The following SRRM3 variants were observed in gnomAD, a reference collection of about 807,000 sequenced individuals.
SRRM3 encodes serine/arginine repetitive matrix 3.
Under a neutral mutation model 66.2 loss-of-function variants are expected in SRRM3, and 27 were observed. That is an observed-to-expected ratio of 0.41 (90% CI 0.30 to 0.56). The LOEUF (loss-of-function observed/expected upper bound fraction) is 0.56, where lower values mean the gene tolerates loss of function less well. SRRM3 is among the 20% of genes least tolerant of loss of function. SRRM3 has a pLI of 0.32. For synonymous variants in SRRM3, 391 were observed against 414.9 expected, an observed-to-expected ratio of 0.94 and a Z score of 0.70; for missense variants, 918 against 991.9, an observed-to-expected ratio of 0.93 and a Z score of 1.00.
At chr7:76,214,694 A>C (rs540397221) in intron 1 of SRRM3, among the ~76,000 whole-genome samples, 4 of 152,226 alleles carry the variant, frequency 2.6e-5, no homozygotes, top group African/African-American at 9.6e-5. Flanking sequence ...TGGGAAACAC[A>C]TCAACTCTTC....
Position 76,267,366 on chromosome 7 carries a change from G to T in SRRM3, c.939G>T (p.Arg313=). 1 of 1,474,688 alleles carries T rather than the reference G, an allele frequency of 6.8e-7. No individual in the cohort carries two copies. 91.4% of individuals were successfully genotyped at this position (1,474,688 alleles called of 1,614,324 possible). A position where few individuals can be genotyped will look rare whatever the true frequency, so the allele number is the denominator to read the frequency against. ...SGGSGWGSPQ[R]NGGSGQRSGA... is the part of the protein sequence containing the mutation. ...GCAGCGGATGGGGGTCGCCCCAGCGGAACGGCGGCAGCGGGCAGCGGAGCG... is the reference window on the plus strand; with the variant it reads ...GCAGCGGATGGGGGTCGCCCCAGCGTAACGGCGGCAGCGGGCAGCGGAGCG... The change falls in exon 11 of 15, where the codon CGG becomes CGT. Residue 313 remains arginine, a synonymous_variant. Transcript: ENST00000611745.
chr7:76,236,991 G>C (rs1400106731), intron 2 of SRRM3, among the ~76,000 whole-genome samples: 8 of 152,166 alleles, frequency 5.3e-5, no homozygotes, highest in African/African-American at 1.9e-4. Context: ...GGTGGCTCAC[G>C]GCTGTACCAG....
intron 1 of SRRM3, among the ~76,000 whole-genome samples, chr7:76,225,090 AGCCTG>A (rs1800824416): frequency 6.6e-6 from 1 of 152,168 alleles, no homozygotes; most frequent in Non-Finnish European, 1.5e-5. Flanking sequence ...TTTTTCCACC[AGCCTG>A]ACCGAATCCC....
chr7:76,254,865 G>A lies in SRRM3; in HGVS notation c.336-5041G>A, dbSNP rs1382861164. ...TAGGGACAAGGACAGGAGGCAGGAC[G>A]CCACTGGCCTCAGGAAGAGGAGCAT... is the stretch of plus-strand genomic sequence containing the variant. On this transcript the variant is annotated intron_variant, in intron 3 of 14. Coordinates refer to ENST00000611745, the MANE Select transcript of SRRM3 (RefSeq NM_001110199.3). 7.9e-5 allele frequency among the ~76,000 whole-genome samples: 12 copies of A among 152,206 alleles called. No homozygotes were observed. The East Asian group carries it at 1.5e-3, about 20-fold the overall frequency.
At chr7:76,248,165 T>C (rs1220157210) in intron 2 of SRRM3, 23 bp from the exon 3 acceptor site, 3 of 1,598,124 alleles carry the variant, frequency 1.9e-6, no homozygotes, top group Admixed American at 3.4e-5. Context: ...ACCAGCCCCT[T>C]CACCCTCTCT....
In SRRM3 at chr7:76,207,893, T is replaced by G. The variant is rs371823284; in HGVS notation, c.-40+5826T>G. Among the ~76,000 whole-genome samples the G allele has an allele frequency of 3.9e-4, 60 of 152,132 alleles. 2 individuals carry two copies. The highest frequency in any genetic ancestry group is 1.1e-3 in the Admixed American group (17 of 15,266). ...GACTCTGTCTCAGTAAAGAAAGAAA[T>G]AAATATTCTTCCAAAAGCATATTTT... On this transcript the variant is annotated intron_variant, in intron 1 of 14. Transcript: ENST00000611745.
rs78570201 is a variant in SRRM3, at chr7:76,244,718, C to T, written c.234-3470C>T. ...TTCATCCTCAAGACCTCTCTCCCTG[C>T]TCTGGAGTCACTGTCTCCTCCTGAA... On this transcript the variant is annotated intron_variant, in intron 2 of 14. Transcript: ENST00000611745. Among the ~76,000 whole-genome samples, 4 of 152,266 alleles carry T rather than the reference C, an allele frequency of 2.6e-5. No homozygotes were observed. In the East Asian group the frequency reaches 7.7e-4, roughly 29 times the overall value.
chr7:76,279,288 A>G (rs1340254193), intron 11 of SRRM3, among the ~76,000 whole-genome samples: 1 of 151,986 alleles, frequency 6.6e-6, no homozygotes, highest in Non-Finnish European at 1.5e-5. Context: ...ACAGCCTGCC[A>G]AAAGAGCTTG....
chr7:76,215,042 CAAAA>C (rs11357454), intron 1 of SRRM3, among the ~76,000 whole-genome samples: 3 of 96,570 alleles, frequency 3.1e-5, no homozygotes, highest in Admixed American at 1.1e-4. Context: ...TATATTCACT[CAAAA>C]AAAAAAAAAA....
chr7:76,282,808 C>T lies in SRRM3; in HGVS notation c.1531C>T (p.Arg511Cys). 1.4e-6 allele frequency: 2 copies of T among 1,465,896 alleles called. No homozygotes were observed. The highest frequency in any genetic ancestry group is 1.8e-6 in the Non-Finnish European group (2 of 1,114,832). The allele number at this position is 1,465,896 out of a possible 1,614,324, so 90.8% of individuals were successfully genotyped here. ...SSRSPSKSRS[R>C]SAEKRPHSPS... is the part of the protein sequence containing the mutation. ...CCGCTCGCCCTCCAAATCTCGCTCG[C>T]GCTCTGCGGAGAAGCGGCCCCACAG... Residue 511 changes from arginine to cysteine, a missense_variant, in exon 13 of 15, where the codon CGC (arginine) becomes TGC (cysteine). Arg to Cys is a radical substitution (Grantham distance 180). Coordinates refer to ENST00000611745, the MANE Select transcript of SRRM3 (RefSeq NM_001110199.3).
intron 12 of SRRM3, 70 bp from the exon 13 acceptor site, chr7:76,282,576 AGG>A: frequency 9.6e-6 from 1 of 103,840 alleles, no homozygotes; most frequent in East Asian, 1.3e-4. Context: ...GCCCCGCCCC[AGG>A]GAACCCTCCC....
chr7:76,245,646 G>A (rs1453327826), intron 2 of SRRM3, among the ~76,000 whole-genome samples: 1 of 152,084 alleles, frequency 6.6e-6, no homozygotes, highest in Non-Finnish European at 1.5e-5. Flanking sequence ...TCACCCTGTT[G>A]GGCTATCAAA....
intron 1 of SRRM3, among the ~76,000 whole-genome samples, chr7:76,220,607 C>G (rs1050990327): frequency 6.6e-6 from 1 of 152,166 alleles, no homozygotes; most frequent in African/African-American, 2.4e-5. Flanking sequence ...CAGACTGAGA[C>G]GGCAGGGAAA....
At chr7:76,258,606 C>T (rs1246784994) in intron 3 of SRRM3, among the ~76,000 whole-genome samples, 8 of 150,156 alleles carry the variant, frequency 5.3e-5, no homozygotes, top group Non-Finnish European at 1.2e-4. Context: ...CCCAGCTACT[C>T]GGGAGGCTGA....
At chr7:76,251,460 C>T (rs1170300726) in intron 3 of SRRM3, among the ~76,000 whole-genome samples, 7 of 151,984 alleles carry the variant, frequency 4.6e-5, no homozygotes, top group Non-Finnish European at 7.4e-5. Context: ...CTGCAAGCTC[C>T]GCCTCCCGGG....
intron 1 of SRRM3, among the ~76,000 whole-genome samples, chr7:76,221,933 T>G (rs1470508467): frequency 6.6e-6 from 1 of 152,230 alleles, no homozygotes; most frequent in Non-Finnish European, 1.5e-5. Flanking sequence ...CACACGTTAT[T>G]CCTTTACTCC....
At chr7:76,223,230 T>C (rs1258971562) in intron 1 of SRRM3, among the ~76,000 whole-genome samples, 1 of 152,156 alleles carries the variant, frequency 6.6e-6, no homozygotes, top group Non-Finnish European at 1.5e-5. Flanking sequence ...GACCCAACCC[T>C]GAAGTTGATG....
chr7:76,262,477 A>G lies in SRRM3; in HGVS notation c.674+896A>G, dbSNP rs190699896. On this transcript the variant is annotated intron_variant, in intron 8 of 14. Coordinates refer to ENST00000611745, the MANE Select transcript of SRRM3 (RefSeq NM_001110199.3). ...GCCAAGAGATTGCAGTGGAGTGCAC[A>G]GCACTCCAGCCTGGGTGACACAGCG... Among the ~76,000 whole-genome samples, 314 of 145,138 alleles carry G rather than the reference A, an allele frequency of 2.2e-3. 4 individuals carry two copies. The highest frequency in any genetic ancestry group is 3.6e-3 in the Middle Eastern group (1 of 280).
chr7:76,267,275 G>C lies in SRRM3; in HGVS notation c.848G>C (p.Arg283Pro), dbSNP rs142979250. The C allele has an allele frequency of 4.5e-6, 7 of 1,552,982 alleles. No homozygotes were observed. The Admixed American group carries it at 1.2e-4, about 27-fold the overall frequency. Residue 283 changes from arginine (R) to proline (P), a missense_variant, in exon 11 of 15, where the codon CGA becomes CCA. Coordinates refer to ENST00000611745, the MANE Select transcript of SRRM3 (RefSeq NM_001110199.3). ...RSPSRLSPKH[R>P]DEGRKTGSQR... The stretch of plus-strand genomic sequence containing the variant: ...AACCCCAGGCTGAGCCCCAAGCACC[G>C]AGACGAAGGGCGAAAGACGGGCAGC...
Sources: allele counts gnomAD v4.1 joint callset (sites outside exome capture counted in the v4.1 genomes callset), GRCh38; gene constraint gnomAD v4.1.1; transcripts MANE v1.5; gene names NCBI Gene and HGNC (gene_info 2026-07-23, HGNC 2026-07-21).